The following RSBN1L variants were observed in gnomAD, a reference collection of about 807,000 sequenced individuals.
RSBN1L encodes the protein lysine-specific demethylase RSBN1L.
A neutral mutation model predicts 67.7 loss-of-function variants in RSBN1L; 30 were observed. The observed-to-expected ratio is 0.44, with a 90% CI of 0.33 to 0.60. The LOEUF is 0.60. Among genes scored for constraint, RSBN1L ranks in the 20% least tolerant of loss-of-function variants. The pLI, the probability that RSBN1L is intolerant of heterozygous loss-of-function variation, is 0.02. For synonymous variants in RSBN1L, 433 were observed against 387.0 expected (o/e 1.12, Z -1.39); for missense variants, 992 against 1,031.7 (o/e 0.96, Z 0.53).
At chr7:77,772,188 A>G (rs1293726111) in intron 5 of RSBN1L, among the ~76,000 whole-genome samples, 2 of 152,204 alleles carry the variant, frequency 1.3e-5, no homozygotes, top group Non-Finnish European at 2.9e-5. Flanking sequence ...ATTATTATGT[A>G]TATGTGTAAT....
chr7:77,755,673 A>C (rs2150427932), intron 3 of RSBN1L, among the ~76,000 whole-genome samples: 1 of 34,998 alleles, frequency 2.9e-5, no homozygotes, highest in East Asian at 4.1e-4. Flanking sequence ...CTCAAAAACA[A>C]AACAAAAACA....
intron 4 of RSBN1L, among the ~76,000 whole-genome samples, chr7:77,768,128 T>A (rs1265724340): frequency 6.6e-6 from 1 of 151,966 alleles, no homozygotes; most frequent in East Asian, 1.9e-4. Context: ...GTGCTCGGAT[T>A]ACAGGCGTGA....
At chr7:77,725,719 G>A (rs1194002166) in intron 1 of RSBN1L, among the ~76,000 whole-genome samples, 1 of 151,640 alleles carries the variant, frequency 6.6e-6, no homozygotes, top group Non-Finnish European at 1.5e-5. Flanking sequence ...AGCCTCCCAG[G>A]TAGCTGGATT....
chr7:77,757,252 G>T (rs548344060), intron 3 of RSBN1L, among the ~76,000 whole-genome samples: 102 of 152,158 alleles, frequency 6.7e-4, no homozygotes, highest in Non-Finnish European at 1.3e-3. Context: ...ACTGACAAAG[G>T]ATTAAAACAT....
At position 77,736,408 on chromosome 7, in the gene RSBN1L, A is replaced by G. The variant is rs1326630268; in HGVS notation, c.587-2A>G. 2 of 1,022,826 alleles carry G rather than the reference A, an allele frequency of 2.0e-6. No homozygotes were observed. Among genetic ancestry groups the G allele is most frequent in the Non-Finnish European group, 1.3e-6 (1 of 751,734 alleles). 63.4% of individuals were successfully genotyped at this position (1,022,826 alleles called of 1,614,324 possible). ...AAATATTTCCTTTGTTTTGTCTTCC[A>G]GATAAAATCAAAGACAAAATTAAAG... On this transcript the variant is annotated splice_acceptor_variant, in intron 1 of 7. Coordinates refer to ENST00000334955, the MANE Select transcript of RSBN1L (RefSeq NM_198467.3). LOFTEE classifies it high-confidence loss of function.
chr7:77,749,767 T>G lies in RSBN1L; in HGVS notation c.1047T>G (p.Ile349Met), dbSNP rs781055310. 7.7e-5 allele frequency: 124 copies of G among 1,614,084 alleles called. No homozygotes were observed. Among genetic ancestry groups the G allele is most frequent in the Non-Finnish European group, 1.0e-4 (123 of 1,180,030 alleles). The change falls in exon 3 of 8, where the codon ATT becomes ATG. Residue 349 changes from isoleucine (I) to methionine (M), a missense_variant. Coordinates refer to ENST00000334955, the MANE Select transcript of RSBN1L (RefSeq NM_198467.3). Reference protein sequence around the residue: ...RLDTLEFKQLIHIEHQPNGGA... With the variant: ...RLDTLEFKQLMHIEHQPNGGA... ...ACACTTTGGAATTTAAACAACTCAT[T>G]CATATAGAGCACCAGCCTAATGGAG... is the stretch of plus-strand genomic sequence containing the variant.
chr7:77,696,497 T>A lies in RSBN1L; in HGVS notation c.28T>A (p.Cys10Ser), dbSNP rs746018845. MAEPPSPVH[C>S]VAAAAPTATV... ...GGCGGAACCGCCGAGCCCCGTGCAC[T>A]GTGTCGCTGCCGCGGCCCCCACCGC... The change falls in exon 1 of 8, where the codon TGT becomes AGT. Residue 10 changes from cysteine to serine, a missense_variant. Transcript: ENST00000334955. 1 of 1,613,232 alleles carries A rather than the reference T, an allele frequency of 6.2e-7. No individual in the cohort carries two copies. The highest frequency in any genetic ancestry group is 8.5e-7 in the Non-Finnish European group (1 of 1,179,676).
At chr7:77,720,287 G>A (rs529603567) in intron 1 of RSBN1L, among the ~76,000 whole-genome samples, 4 of 152,286 alleles carry the variant, frequency 2.6e-5, no homozygotes, top group Admixed American at 1.3e-4. Context: ...AAGGCTGGGC[G>A]TGGTGGCTCG....
intron 3 of RSBN1L, among the ~76,000 whole-genome samples, chr7:77,762,669 GTT>G (rs1365299186): frequency 6.6e-6 from 1 of 151,830 alleles, no homozygotes; most frequent in Non-Finnish European, 1.5e-5. Context: ...TACCACCCAA[GTT>G]TTACCCAATT....
At chr7:77,774,736 C>CCCA (rs1458717579) in intron 6 of RSBN1L, among the ~76,000 whole-genome samples, 3 of 152,162 alleles carry the variant, frequency 2.0e-5, no homozygotes, top group African/African-American at 7.2e-5. Context: ...AAAACTCCGT[C>CCCA]CCACCACCAA....
intron 1 of RSBN1L, among the ~76,000 whole-genome samples, chr7:77,697,606 G>A (rs1790757205): frequency 1.3e-5 from 2 of 152,094 alleles, no homozygotes; most frequent in South Asian, 4.1e-4. Context: ...GAAGTGCGCT[G>A]TTTCGTAAGG....
intron 1 of RSBN1L, among the ~76,000 whole-genome samples, chr7:77,725,084 T>TCCACCC (rs1222541143): frequency 2.0e-5 from 3 of 151,072 alleles, no homozygotes; most frequent in Non-Finnish European, 4.4e-5. Context: ...CCTCCGGTGA[T>TCCACCC]CCACCCGCCT....
Position 77,773,243 on chromosome 7 carries a change from T to C in RSBN1L, c.1722T>C (p.His574=). Residue 574 remains histidine, a synonymous_variant, in exon 6 of 8, where the codon CAT becomes CAC. Transcript: ENST00000334955. ...FEDRTRAHAD[H]IGQGFERQTT... is the part of the protein sequence containing the mutation. Reference sequence around the variant, plus strand: ...ACAGGACAAGAGCTCATGCAGATCATATAGGACAAGGTTTTGAACGACAGA... The same window carrying C: ...ACAGGACAAGAGCTCATGCAGATCACATAGGACAAGGTTTTGAACGACAGA... 1 of 1,613,464 alleles carries C rather than the reference T, an allele frequency of 6.2e-7. No homozygotes were observed. Among genetic ancestry groups the C allele is most frequent in the Non-Finnish European group, 8.5e-7 (1 of 1,179,592 alleles).
At chr7:77,745,185 C>T (rs985666189) in intron 2 of RSBN1L, among the ~76,000 whole-genome samples, 3 of 151,068 alleles carry the variant, frequency 2.0e-5, no homozygotes, top group South Asian at 2.1e-4. Flanking sequence ...CACTTGAACC[C>T]GGGAGGCGGA....
rs903986482 is a variant in RSBN1L at position 77,780,851 on chromosome 7, C to T, written c.*1683C>T. On this transcript the variant is annotated 3_prime_UTR_variant, in exon 8 of 8. Transcript: ENST00000334955. ...TTAATGATAGACTCACTATTTGACA[C>T]TGCTTCTACTATTGTAATTAAAAAT... is the stretch of plus-strand genomic sequence containing the variant. 2 of 152,194 alleles carry T rather than the reference C, an allele frequency of 1.3e-5. No individual in the cohort carries two copies. Among genetic ancestry groups the T allele is most frequent in the African/African-American group, 2.4e-5 (1 of 41,444 alleles). 9.4% of individuals were successfully genotyped at this position (152,194 alleles called of 1,614,324 possible). A position where few individuals can be genotyped will look rare whatever the true frequency, so the allele number is the denominator to read the frequency against.
At chr7:77,776,089 A>G (rs1791911402) in intron 6 of RSBN1L, among the ~76,000 whole-genome samples, 1 of 152,076 alleles carries the variant, frequency 6.6e-6, no homozygotes, top group Non-Finnish European at 1.5e-5. Flanking sequence ...GTTGTTAGGG[A>G]TATAGTGCTC....
chr7:77,769,936 T>G (rs1791824600), intron 5 of RSBN1L, among the ~76,000 whole-genome samples: 1 of 152,218 alleles, frequency 6.6e-6, no homozygotes, highest in African/African-American at 2.4e-5. Flanking sequence ...TAAAACTCTT[T>G]GATCTAGCAC....
chr7:77,751,436 G>A (rs1011792267), intron 3 of RSBN1L, among the ~76,000 whole-genome samples: 2 of 152,114 alleles, frequency 1.3e-5, no homozygotes, highest in Admixed American at 6.5e-5. Flanking sequence ...CACCTCGCCC[G>A]GCCTGGAAAA....
At chr7:77,697,133 G>C (rs571170627) in intron 1 of RSBN1L, 78 bp downstream of exon 1, 2 of 1,291,556 alleles carry the variant, frequency 1.5e-6, no homozygotes, top group East Asian at 3.1e-5. Flanking sequence ...GGCCCGGGAA[G>C]GGGGAGCGCG....
Sources: allele counts gnomAD v4.1 joint callset (sites outside exome capture counted in the v4.1 genomes callset), GRCh38; gene constraint gnomAD v4.1.1; transcripts MANE v1.5; gene names NCBI Gene and HGNC (gene_info 2026-07-23, HGNC 2026-07-21).